HTR1F: variants seen among roughly 807,000 people sequenced by gnomAD.
The protein encoded by HTR1F is 5-hydroxytryptamine receptor 1F.
HTR1F carries 17 observed loss-of-function variants against 24.0 expected under a neutral mutation model. That is an observed-to-expected ratio of 0.71 (90% CI 0.48 to 1.06). The LOEUF is 1.06. Among genes scored for constraint, HTR1F ranks in the 50% least tolerant of loss-of-function variants. The pLI is 0.00. For missense variants in HTR1F, 391 were observed against 427.8 expected, an observed-to-expected ratio of 0.91 and a Z score of 0.76; for synonymous variants, 186 against 156.8, an observed-to-expected ratio of 1.19 and a Z score of -1.39.
At chr3:87,816,451 T>C (rs530716122) in intron 1 of HTR1F, among the ~76,000 whole-genome samples, 13 of 152,152 alleles carry the variant, frequency 8.5e-5, no homozygotes, top group African/African-American at 3.1e-4. Flanking sequence ...TCAAATATTC[T>C]TAACCTGATG....
chr3:87,990,584 C>G (rs1188870121), intron 2 of HTR1F, 124 bp from the exon 3 acceptor site: 2 of 544,376 alleles, frequency 3.7e-6, no homozygotes, highest in Non-Finnish European at 6.3e-6. Flanking sequence ...ATCTGAACCT[C>G]ATTTTTTTAA....
At chr3:87,902,443 G>C (rs917378302) in intron 2 of HTR1F, among the ~76,000 whole-genome samples, 2 of 152,040 alleles carry the variant, frequency 1.3e-5, no homozygotes, top group African/African-American at 2.4e-5. Context: ...TCCTAAATGT[G>C]AGAAGATAGG....
intron 2 of HTR1F, among the ~76,000 whole-genome samples, chr3:87,864,392 G>C (rs1429471784): frequency 6.6e-6 from 1 of 152,096 alleles, no homozygotes; most frequent in Non-Finnish European, 1.5e-5. Flanking sequence ...GGTTGTTCTG[G>C]TCAGCCAGAA....
At chr3:87,875,695 C>A (rs570625274) in intron 2 of HTR1F, among the ~76,000 whole-genome samples, 1 of 151,748 alleles carries the variant, frequency 6.6e-6, no homozygotes, top group South Asian at 2.1e-4. Flanking sequence ...GAGGCCGAGG[C>A]GGGCAGATCA....
intron 2 of HTR1F, among the ~76,000 whole-genome samples, chr3:87,902,233 A>T (rs1706339705): frequency 6.6e-6 from 1 of 152,164 alleles, no homozygotes; most frequent in Non-Finnish European, 1.5e-5. Flanking sequence ...AGCACAATAG[A>T]ATAAAACAGA....
intron 2 of HTR1F, among the ~76,000 whole-genome samples, chr3:87,848,426 A>G (rs551472017): frequency 3.3e-5 from 5 of 151,798 alleles, no homozygotes; most frequent in Non-Finnish European, 5.9e-5. Context: ...CATGCGGAAC[A>G]AGTAATTTGC....
rs140636650 is a variant in HTR1F, at chr3:87,799,546, C to T, written c.-160+6704C>T. 2.1e-3 allele frequency among the ~76,000 whole-genome samples: 326 copies of T among 152,146 alleles called. 1 individual carries two copies. Among genetic ancestry groups the T allele is most frequent in the African/African-American group, 7.6e-3 (317 of 41,508 alleles). On this transcript the variant is annotated intron_variant, in intron 1 of 2. Transcript: ENST00000319595. The stretch of plus-strand genomic sequence containing the variant: ...TATTCTCAGCTAAAAGACTTGAGCC[C>T]GAGGCTGATATTCTGTTGAAGTAAA...
chr3:87,927,542 T>C (rs12054404), intron 2 of HTR1F, among the ~76,000 whole-genome samples: 2 of 152,122 alleles, frequency 1.3e-5, no homozygotes, highest in Non-Finnish European at 2.9e-5. Context: ...GTTTCCTAAA[T>C]GGTATATTAT....
At chr3:87,813,269 G>C (rs9840323) in intron 1 of HTR1F, among the ~76,000 whole-genome samples, 10,417 of 152,258 alleles carry the variant, frequency 0.068, 1,143 homozygotes, top group African/African-American at 0.23. Context: ...TTGAGACATG[G>C]AGTCAAAAGA....
intron 2 of HTR1F, among the ~76,000 whole-genome samples, chr3:87,959,538 T>C (rs1294329588): frequency 6.6e-6 from 1 of 151,930 alleles, no homozygotes; most frequent in African/African-American, 2.4e-5. Flanking sequence ...AATTAAAGAA[T>C]GGTTTGAAAA....
intron 2 of HTR1F, among the ~76,000 whole-genome samples, chr3:87,885,381 G>A (rs1047110199): frequency 6.6e-6 from 1 of 152,128 alleles, no homozygotes; most frequent in South Asian, 2.1e-4. Flanking sequence ...ATGCCCACAA[G>A]AGAAAGCAGG....
chr3:87,867,387 C>T (rs1705453312), intron 2 of HTR1F, among the ~76,000 whole-genome samples: 1 of 151,594 alleles, frequency 6.6e-6, no homozygotes, highest in Admixed American at 6.6e-5. Context: ...TATATTTTCT[C>T]TTTTTTTCAC....
intron 2 of HTR1F, among the ~76,000 whole-genome samples, chr3:87,833,363 A>G (rs1269054416): frequency 2.0e-5 from 3 of 152,186 alleles, no homozygotes; most frequent in Non-Finnish European, 4.4e-5. Flanking sequence ...CTATATCAAA[A>G]TAACTTAATC....
At chr3:87,864,891 CAAAA>C (rs751380551) in intron 2 of HTR1F, among the ~76,000 whole-genome samples, 1 of 78,762 alleles carries the variant, frequency 1.3e-5, no homozygotes, top group Non-Finnish European at 2.8e-5. Context: ...GACTTCATCT[CAAAA>C]AAAAAAAAAA....
chr3:87,949,165 C>T (rs1310624999), intron 2 of HTR1F, among the ~76,000 whole-genome samples: 2 of 151,768 alleles, frequency 1.3e-5, no homozygotes, highest in African/African-American at 4.8e-5. Flanking sequence ...CACAGACAAA[C>T]ACACACACAC....
intron 2 of HTR1F, among the ~76,000 whole-genome samples, chr3:87,867,016 C>T (rs1705444959): frequency 6.6e-6 from 1 of 151,774 alleles, no homozygotes; most frequent in African/African-American, 2.4e-5. Flanking sequence ...AATACTGATG[C>T]AATATGATGG....
intron 2 of HTR1F, among the ~76,000 whole-genome samples, chr3:87,933,422 T>C (rs1029918545): frequency 2.6e-5 from 4 of 152,198 alleles, no homozygotes; most frequent in African/African-American, 4.8e-5. Context: ...TCGTCCCTCT[T>C]TGCAGACGAC....
intron 2 of HTR1F, among the ~76,000 whole-genome samples, chr3:87,967,504 C>CT (rs886285532): frequency 2.0e-5 from 3 of 150,812 alleles, no homozygotes; most frequent in African/African-American, 7.3e-5. Flanking sequence ...TACGGCTTGG[C>CT]TGTGCCCACC....
intron 2 of HTR1F, among the ~76,000 whole-genome samples, chr3:87,893,396 C>A (rs1706126070): frequency 6.6e-6 from 1 of 151,998 alleles, no homozygotes; most frequent in Non-Finnish European, 1.5e-5. Flanking sequence ...CTAAATTGAG[C>A]AATATATTAA....
Sources: gnomAD v4.1 joint callset for allele counts (sites outside exome capture counted in the v4.1 genomes callset) on GRCh38, gnomAD v4.1.1 for gene constraint, MANE v1.5 for transcripts, NCBI Gene and HGNC (gene_info 2026-07-23, HGNC 2026-07-21) for gene names.